The following RPA1 variants were observed in gnomAD, a reference collection of about 807,000 sequenced individuals.
The protein encoded by RPA1 is replication protein A1, also known as replication protein A 70 kDa DNA-binding subunit.
In RPA1, 49 loss-of-function variants were observed where a neutral mutation model predicts 83.0. The ratio of observed to expected loss-of-function variants is 0.59; its 90% CI spans 0.47 to 0.75. RPA1 has a LOEUF of 0.75. Ranked by LOEUF, RPA1 falls within the 30% of genes least tolerant of loss-of-function variation. RPA1 has a pLI of 0.00. For missense variants in RPA1, 693 were observed against 776.1 expected (o/e 0.89, Z 1.27); for synonymous variants, 279 against 281.8 (o/e 0.99, Z 0.10).
rs1362461907 is a variant in RPA1, at chr17:1,893,770, C to T, written c.1660-1239C>T. The stretch of plus-strand genomic sequence containing the variant: ...CTTCCCTAGCCTTTGCGCACCTCAA[C>T]AGTCTTCTCTGCTTGCACACCAAAT... On this transcript the variant is annotated intron_variant, in intron 15 of 16. Transcript: ENST00000254719. Among the ~76,000 whole-genome samples the T allele has an allele frequency of 2.6e-5, 4 of 152,042 alleles. No homozygotes were observed. The East Asian group carries it at 7.7e-4, about 29-fold the overall frequency.
intron 4 of RPA1, among the ~76,000 whole-genome samples, chr17:1,845,180 G>C (rs1597423371): frequency 1.3e-5 from 2 of 151,908 alleles, no homozygotes; most frequent in African/African-American, 4.8e-5. Context: ...GTGTGTGTGT[G>C]TGTGTGTGTG....
intron 5 of RPA1, among the ~76,000 whole-genome samples, chr17:1,855,533 G>A (rs540079291): frequency 1.3e-5 from 2 of 152,142 alleles, no homozygotes; most frequent in Admixed American, 6.6e-5. Flanking sequence ...ATAAGTCTAT[G>A]TCATGATGTA....
At chr17:1,845,223 C>CTA (rs1389576364) in intron 4 of RPA1, among the ~76,000 whole-genome samples, 6 of 149,656 alleles carry the variant, frequency 4.0e-5, no homozygotes, top group Non-Finnish European at 8.9e-5. Context: ...ATATTAAATG[C>CTA]TATATTTAGC....
chr17:1,880,822 G>A (rs17292161), intron 12 of RPA1, 131 bp downstream of exon 12: 48 of 1,279,444 alleles, frequency 3.8e-5, no homozygotes, highest in Non-Finnish European at 5.1e-5. Flanking sequence ...CGTGTTTCTT[G>A]AAGGCATTAT....
intron 6 of RPA1, among the ~76,000 whole-genome samples, chr17:1,872,831 C>T (rs1161862953): frequency 2.0e-5 from 3 of 150,674 alleles, no homozygotes; most frequent in Non-Finnish European, 2.9e-5. Flanking sequence ...TGGGCGCATG[C>T]CACCATGCCT....
intron 4 of RPA1, among the ~76,000 whole-genome samples, chr17:1,849,414 TC>T (rs1218534033): frequency 6.7e-6 from 1 of 149,302 alleles, no homozygotes; most frequent in African/African-American, 2.5e-5. Flanking sequence ...TGCCTCAGCC[TC>T]CCCAGTAGCT....
chr17:1,879,058 C>T lies in RPA1; in HGVS notation c.756C>T (p.Asn252=), dbSNP rs201066045. Residue 252 remains asparagine, a synonymous_variant, in exon 9 of 17, where the codon AAC becomes AAT. Coordinates refer to ENST00000254719, the MANE Select transcript of RPA1 (RefSeq NM_002945.5). Reference sequence around the variant, plus strand: ...AGTTCTTTCCTCTTATTGAAGTGAACAAGGTATGGCCGTGCTGACTTTAGA... The same window carrying T: ...AGTTCTTTCCTCTTATTGAAGTGAATAAGGTATGGCCGTGCTGACTTTAGA... ...VDKFFPLIEV[N]KVYYFSKGTL... 3.1e-6 allele frequency: 5 copies of T among 1,614,170 alleles called. No homozygotes were observed. Among genetic ancestry groups the T allele is most frequent in the Non-Finnish European group, 4.2e-6 (5 of 1,180,026 alleles).
chr17:1,836,091 G>A (rs576259415), intron 1 of RPA1, among the ~76,000 whole-genome samples: 33 of 151,624 alleles, frequency 2.2e-4, no homozygotes, highest in Non-Finnish European at 3.4e-4. Context: ...TTTTGCTTAC[G>A]TATAGTAAAT....
At chr17:1,883,785 G>C in intron 12 of RPA1, 27 bp from the exon 13 acceptor site, 1 of 1,613,524 alleles carries the variant, frequency 6.2e-7, no homozygotes, top group South Asian at 1.1e-5. Flanking sequence ...TCAAGCGCTC[G>C]TCATCGTTAT....
rs768981816 is a variant in RPA1, at chr17:1,897,369, G to A, written c.*194G>A. On this transcript the variant is annotated 3_prime_UTR_variant, in exon 17 of 17. Coordinates refer to ENST00000254719, the MANE Select transcript of RPA1 (RefSeq NM_002945.5). ...GAAAATACGCTCAGGTGGTTGTGGT[G>A]TAGACTGTGTCAGGCCTACGGAGTC... 1.8e-6 allele frequency: 1 copy of A among 552,970 alleles called. No homozygotes were observed. The allele number at this position is 552,970 out of a possible 1,614,324, so 34.3% of individuals were successfully genotyped here. A position where few individuals can be genotyped will look rare whatever the true frequency, so the allele number is the denominator to read the frequency against.
chr17:1,864,931 G>A (rs1429888791), intron 5 of RPA1, among the ~76,000 whole-genome samples: 1 of 152,108 alleles, frequency 6.6e-6, no homozygotes, highest in Non-Finnish European at 1.5e-5. Context: ...TTAGTTGGGC[G>A]TGGTGGTTCA....
intron 13 of RPA1, among the ~76,000 whole-genome samples, chr17:1,886,611 T>C (rs1471814672): frequency 1.3e-5 from 2 of 152,220 alleles, no homozygotes; most frequent in Non-Finnish European, 1.5e-5. Context: ...CCATCAGCAC[T>C]TGCTGCTTCA....
At chr17:1,886,903 T>A (rs548495861) in intron 13 of RPA1, among the ~76,000 whole-genome samples, 2 of 152,134 alleles carry the variant, frequency 1.3e-5, no homozygotes, top group South Asian at 4.2e-4. Context: ...TAGGCAATCA[T>A]GTTGCCTCTG....
At chr17:1,879,795 G>A in intron 11 of RPA1, 96 bp downstream of exon 11, 2 of 1,471,852 alleles carry the variant, frequency 1.4e-6, no homozygotes, top group Non-Finnish European at 1.9e-6. Context: ...ACACACAGGA[G>A]GAGCTCCTGG....
At chr17:1,844,100 A>G (rs1597422371) in intron 3 of RPA1, 102 bp downstream of exon 3, 1 of 939,332 alleles carries the variant, frequency 1.1e-6, no homozygotes, top group East Asian at 2.6e-5. Context: ...TGAAGTCCGT[A>G]CTTGCTTGGC....
intron 6 of RPA1, among the ~76,000 whole-genome samples, chr17:1,872,953 A>G (rs17338753): frequency 0.096 from 14,598 of 152,106 alleles, 2,274 homozygotes; most frequent in African/African-American, 0.32. Flanking sequence ...TGGGATTATA[A>G]GTGTGAGCCA....
At chr17:1,876,169 G>A (rs1380135998) in intron 7 of RPA1, among the ~76,000 whole-genome samples, 1 of 152,150 alleles carries the variant, frequency 6.6e-6, no homozygotes, top group African/African-American at 2.4e-5. Context: ...TTCGTCTTTG[G>A]TTTAGTTGGC....
chr17:1,879,186 C>T, intron 9 of RPA1, 29 bp from the exon 10 acceptor site: 1 of 1,610,922 alleles, frequency 6.2e-7, no homozygotes, highest in Non-Finnish European at 8.5e-7. Context: ...ATGGTAGTCT[C>T]AGGTTCTGTG....
chr17:1,845,172 G>C (rs994825181), intron 4 of RPA1, among the ~76,000 whole-genome samples: 13 of 151,446 alleles, frequency 8.6e-5, no homozygotes, highest in Admixed American at 1.3e-4. Context: ...TTGTGTGTGT[G>C]TGTGTGTGTG....
Sources: allele counts gnomAD v4.1 joint callset (sites outside exome capture counted in the v4.1 genomes callset), GRCh38; gene constraint gnomAD v4.1.1; transcripts MANE v1.5; gene names NCBI Gene and HGNC (gene_info 2026-07-23, HGNC 2026-07-21).